The following PLAAT3 variants were observed in gnomAD, a reference collection of about 807,000 sequenced individuals.
PLAAT3 encodes Ca-independent phospholipase A1/2.
In PLAAT3, 21 loss-of-function variants were observed where a neutral mutation model predicts 16.7. The observed-to-expected ratio is 1.26, with a 90% CI of 0.89 to 1.81. The LOEUF is 1.81. PLAAT3 is among the 40% of genes most tolerant of loss of function. The pLI is 0.00. For missense variants in PLAAT3, 219 were observed against 213.7 expected, an observed-to-expected ratio of 1.02 and a Z score of -0.16; for synonymous variants, 76 against 81.7, an observed-to-expected ratio of 0.93 and a Z score of 0.38.
chr11:63,575,036 A>T lies in PLAAT3; in HGVS notation c.398T>A (p.Val133Asp), dbSNP rs373917801. The T allele has an allele frequency of 1.9e-4, 309 of 1,608,400 alleles. 2 individuals are homozygous for T. The South Asian group carries it at 3.3e-3, about 17-fold the overall frequency. The change falls in exon 5 of 5, where the codon GTC (valine) becomes GAC (aspartate). Residue 133 changes from valine to aspartate, a missense_variant. Physicochemically the swap from Val to Asp is radical, Grantham distance 152 (BLOSUM62 -3). Coordinates refer to ENST00000415826, the MANE Select transcript of PLAAT3 (RefSeq NM_001128203.2). ...TCCTGCAACGCTTGCAGCGATGATGACATCTCTGACCTGCAACAAAGAAGA... is the reference window on the plus strand; with the variant it reads ...TCCTGCAACGCTTGCAGCGATGATGTCATCTCTGACCTGCAACAAAGAAGA... Reference protein sequence around the residue: ...GVARSDQVRDVIIAASVAGMG... With the variant: ...GVARSDQVRDDIIAASVAGMG...
At chr11:63,576,330 G>A (rs2017660269) in intron 4 of PLAAT3, among the ~76,000 whole-genome samples, 1 of 152,144 alleles carries the variant, frequency 6.6e-6, no homozygotes, top group African/African-American at 2.4e-5. Context: ...GTATGAAAGA[G>A]GTGAGATGCT....
chr11:63,576,497 T>A (rs1565245095), intron 4 of PLAAT3, among the ~76,000 whole-genome samples: 1 of 152,106 alleles, frequency 6.6e-6, no homozygotes, highest in Non-Finnish European at 1.5e-5. Context: ...GACACGTGCC[T>A]ATAGTCCCAG....
At chr11:63,599,742 C>T (rs1039939609) in intron 2 of PLAAT3, among the ~76,000 whole-genome samples, 2 of 151,842 alleles carry the variant, frequency 1.3e-5, no homozygotes, top group Admixed American at 6.6e-5. Context: ...ATTGTTTGGT[C>T]AGAGTTTGGG....
intron 4 of PLAAT3, among the ~76,000 whole-genome samples, chr11:63,585,552 G>A (rs1937950257): frequency 6.6e-6 from 1 of 152,092 alleles, no homozygotes. Context: ...AGAATTATCT[G>A]GCCCATAATG....
chr11:63,615,052 G>A (rs12788519), upstream of PLAAT3, among the ~76,000 whole-genome samples: 305 of 9,472 alleles, frequency 0.032, 74 homozygotes, highest in Middle Eastern at 1. Flanking sequence ...GTATATATAT[G>A]TGTATATATA....
intron 3 of PLAAT3, among the ~76,000 whole-genome samples, chr11:63,594,831 G>A (rs1938245254): frequency 6.9e-6 from 1 of 144,440 alleles, no homozygotes; most frequent in Non-Finnish European, 1.5e-5. Context: ...GGGAGAAGAT[G>A]ACAATACAGA....
At chr11:63,595,290 CGG>C (rs1284979374) in intron 3 of PLAAT3, among the ~76,000 whole-genome samples, 13 of 75,774 alleles carry the variant, frequency 1.7e-4, no homozygotes, top group Non-Finnish European at 2.6e-4. Context: ...GACTCCGTCT[CGG>C]AAAAAAAAAA....
intron 4 of PLAAT3, 148 bp from the exon 5 acceptor site, chr11:63,575,194 G>T: frequency 3.4e-6 from 2 of 594,922 alleles, no homozygotes; most frequent in East Asian, 5.7e-5. Context: ...TGGTAGGGAA[G>T]AGGGGAGGAG....
At chr11:63,590,779 G>T (rs1439683812) in intron 3 of PLAAT3, among the ~76,000 whole-genome samples, 1 of 152,168 alleles carries the variant, frequency 6.6e-6, no homozygotes, top group Non-Finnish European at 1.5e-5. Context: ...CAGAAAACAT[G>T]GCTGGGTTTT....
In PLAAT3 at chr11:63,575,478, G is replaced by C. The variant is rs568667342; in HGVS notation, c.388-432C>G. Reference sequence around the variant, plus strand: ...TAAGAGCAAGGAACTCGGCTGTCTTGTTCATCACTGTATCCCCAGTGCCTG... The same window carrying C: ...TAAGAGCAAGGAACTCGGCTGTCTTCTTCATCACTGTATCCCCAGTGCCTG... On this transcript the variant is annotated intron_variant, in intron 4 of 4. Transcript: ENST00000415826. Among the ~76,000 whole-genome samples the C allele has an allele frequency of 1.2e-3, 185 of 152,310 alleles. 1 individual carries two copies. The highest frequency in any genetic ancestry group is 4.1e-3 in the African/African-American group (171 of 41,558).
Position 63,597,764 on chromosome 11 carries a change from G to A in PLAAT3, c.118+297C>T, listed in dbSNP as rs536210192. 1.6e-3 allele frequency among the ~76,000 whole-genome samples: 242 copies of A among 152,132 alleles called. 1 individual carries two copies. The highest frequency in any genetic ancestry group is 5.6e-3 in the African/African-American group (232 of 41,512). On this transcript the variant is annotated intron_variant, in intron 3 of 4. Coordinates refer to ENST00000415826, the MANE Select transcript of PLAAT3 (RefSeq NM_001128203.2). The stretch of plus-strand genomic sequence containing the variant: ...CAGCTGCAAATACAGATGAAGTTTC[G>A]CTCACTTGCCCACCACTCACCTCCT...
chr11:63,600,332 T>C (rs182003610), intron 2 of PLAAT3, among the ~76,000 whole-genome samples: 6 of 152,230 alleles, frequency 3.9e-5, no homozygotes, highest in Admixed American at 3.9e-4. Flanking sequence ...AAAAAATAAT[T>C]TAAAATATTA....
intron 4 of PLAAT3, among the ~76,000 whole-genome samples, chr11:63,586,382 C>T (rs2134401396): frequency 6.6e-6 from 1 of 152,348 alleles, no homozygotes. Context: ...GATCCACCCA[C>T]CCCAGCCTCC....
intron 4 of PLAAT3, among the ~76,000 whole-genome samples, chr11:63,585,182 G>A (rs895244411): frequency 2.0e-5 from 3 of 151,904 alleles, no homozygotes; most frequent in Non-Finnish European, 2.9e-5. Flanking sequence ...ACACCACCAC[G>A]CCCAGCTAAT....
intron 2 of PLAAT3, among the ~76,000 whole-genome samples, chr11:63,600,578 T>TTTTAG (rs1938399452): frequency 7.7e-6 from 1 of 129,690 alleles, no homozygotes; most frequent in Non-Finnish European, 1.6e-5. Context: ...CTTCATGGTT[T>TTTTAG]TTTTGTTTTT....
intron 2 of PLAAT3, among the ~76,000 whole-genome samples, 155 bp downstream of exon 2, chr11:63,613,845 C>T (rs1448281899): frequency 1.3e-5 from 2 of 152,232 alleles, no homozygotes; most frequent in Non-Finnish European, 2.9e-5. Flanking sequence ...CGCGCCGACC[C>T]GCAGCTGACA....
At chr11:63,615,017 A>AATATATATATATATAT (rs1338719563), upstream of PLAAT3, among the ~76,000 whole-genome samples, 341 of 17,498 alleles carry the variant, frequency 0.019, 85 homozygotes, top group East Asian at 0.14. Context: ...TCAGTCTCAA[A>AATATATATATATATAT]ATATATATAT....
chr11:63,576,331 G>A (rs2017660312), intron 4 of PLAAT3, among the ~76,000 whole-genome samples: 1 of 152,102 alleles, frequency 6.6e-6, no homozygotes, highest in Non-Finnish European at 1.5e-5. Context: ...TATGAAAGAG[G>A]TGAGATGCTC....
intron 4 of PLAAT3, among the ~76,000 whole-genome samples, chr11:63,576,833 T>C (rs2017669184): frequency 1.3e-5 from 2 of 152,180 alleles, no homozygotes; most frequent in Non-Finnish European, 2.9e-5. Flanking sequence ...GTATATTAAG[T>C]GTATAAAACT....
Sources: allele counts gnomAD v4.1 joint callset (sites outside exome capture counted in the v4.1 genomes callset), GRCh38; gene constraint gnomAD v4.1.1; transcripts MANE v1.5; gene names NCBI Gene and HGNC (gene_info 2026-07-23, HGNC 2026-07-21).